Variants in RNF208 observed in about 807,000 individuals in gnomAD.
RNF208 encodes ring finger protein 208.
RNF208 carries 7 observed loss-of-function variants against 15.2 expected under a neutral mutation model. That is an observed-to-expected ratio of 0.46 (90% CI 0.26 to 0.86). The LOEUF (loss-of-function observed/expected upper bound fraction) is 0.86, where lower values mean the gene tolerates loss of function less well. Ranked by LOEUF, RNF208 falls within the 40% of genes least tolerant of loss-of-function variation. The pLI, the probability that RNF208 is intolerant of heterozygous loss-of-function variation, is 0.16. For synonymous variants in RNF208, 211 were observed against 163.2 expected, an observed-to-expected ratio of 1.29 and a Z score of -2.23; for missense variants, 342 against 364.1, an observed-to-expected ratio of 0.94 and a Z score of 0.49.
At position 137,220,712 on chromosome 9, in the gene RNF208, A is replaced by G. The variant is rs769175750; in HGVS notation, c.501T>C (p.Cys167=). ...CGTAGAGAATCTGCAGGCACTGCTC[A>G]CACACAGAGTGCAGGCAGGACAGCA... The part of the protein sequence containing the change: ...PRVLSCLHSV[C]EQCLQILYES... The change falls in exon 2 of 2, where the codon TGT becomes TGC. Residue 167 remains cysteine (C), a synonymous_variant. Coordinates refer to ENST00000391553, the MANE Select transcript of RNF208 (RefSeq NM_031297.7). The G allele has an allele frequency of 6.2e-7, 1 of 1,612,580 alleles. No homozygotes were observed. Among genetic ancestry groups the G allele is most frequent in the East Asian group, 2.2e-5 (1 of 44,880 alleles).
At position 137,220,991 on chromosome 9, in the gene RNF208, G is replaced by T; in HGVS notation, c.222C>A (p.Val74=). ...RAWPSDTEII[V]NQACGGDMPA... ...GCATGTCCCCCCCACAGGCCTGGTT[G>T]ACAATGATCTCTGTGTCTGAGGGCC... The change falls in exon 2 of 2, where the codon GTC becomes GTA. Residue 74 remains valine (V), a synonymous_variant. Transcript: ENST00000391553. 1 of 1,565,218 alleles carries T rather than the reference G, an allele frequency of 6.4e-7. No homozygotes were observed. Among genetic ancestry groups the T allele is most frequent in the Non-Finnish European group, 8.7e-7 (1 of 1,152,608 alleles).
At position 137,222,043 on chromosome 9, in the gene RNF208, G is replaced by A. The variant is rs1308173024; in HGVS notation, c.-581C>T. On this transcript the variant is annotated 5_prime_UTR_variant, in exon 1 of 2. Coordinates refer to ENST00000391553, the MANE Select transcript of RNF208 (RefSeq NM_031297.7). ...CCGCCGCCGCAGAGGTTGTCTCAAA[G>A]GCAGGCCCGGACGCGGCGCCCGCGC... 2.7e-5 allele frequency among the ~76,000 whole-genome samples: 4 copies of A among 150,412 alleles called. No individual in the cohort carries two copies. The highest frequency in any genetic ancestry group is 5.9e-5 in the Non-Finnish European group (4 of 67,450).
Position 137,222,172 on chromosome 9 carries a change from T to C in RNF208, c.-710A>G, listed in dbSNP as rs948088848. Reference sequence around the variant, plus strand: ...GCACCGAGGGGCGCGGGCGCGGGCGTGGGGCGCGGGGCGCGGGTTTCGGCA... The same window carrying C: ...GCACCGAGGGGCGCGGGCGCGGGCGCGGGGCGCGGGGCGCGGGTTTCGGCA... On this transcript the variant is annotated 5_prime_UTR_variant, in exon 1 of 2. Coordinates refer to ENST00000391553, the MANE Select transcript of RNF208 (RefSeq NM_031297.7). 6.9e-6 allele frequency among the ~76,000 whole-genome samples: 1 copy of C among 144,736 alleles called. No homozygotes were observed. Among genetic ancestry groups the C allele is most frequent in the African/African-American group, 2.5e-5 (1 of 40,280 alleles). The allele number at this position is 144,736 out of a possible 152,430, so 95.0% of individuals were successfully genotyped here.
chr9:137,220,398 A>C lies in RNF208; in HGVS notation c.*29T>G. ...CCTGAAGAAGCAGCGAGCGAGGCTC[A>C]GCGGGCAGTGGCGGGCAGGCAGGCG... On this transcript the variant is annotated 3_prime_UTR_variant, in exon 2 of 2. Coordinates refer to ENST00000391553, the MANE Select transcript of RNF208 (RefSeq NM_031297.7). 1.3e-6 allele frequency: 2 copies of C among 1,534,580 alleles called. No individual in the cohort carries two copies. Among genetic ancestry groups the C allele is most frequent in the Non-Finnish European group, 1.8e-6 (2 of 1,139,638 alleles).
Position 137,220,713 on chromosome 9 carries a change from C to T in RNF208, c.500G>A (p.Cys167Tyr). 1 of 1,612,584 alleles carries T rather than the reference C, an allele frequency of 6.2e-7. No homozygotes were observed. The highest frequency in any genetic ancestry group is 8.5e-7 in the Non-Finnish European group (1 of 1,179,930). Reference protein sequence around the residue: ...PRVLSCLHSVCEQCLQILYES... With the variant: ...PRVLSCLHSVYEQCLQILYES... ...GTAGAGAATCTGCAGGCACTGCTCA[C>T]ACACAGAGTGCAGGCAGGACAGCAC... Residue 167 changes from cysteine to tyrosine, a missense_variant, in exon 2 of 2, where the codon TGT becomes TAT. Physicochemically the swap from Cys to Tyr is radical, Grantham distance 194. Transcript: ENST00000391553.
In RNF208 at chr9:137,221,061, G is replaced by A. The variant is rs768145419; in HGVS notation, c.152C>T (p.Pro51Leu). ...AGTTGGGGTGGGCCGGGGAGCAGGC[G>A]GGAAGCAGGGGGCAGCCGGTAGCTC... ...FPELPAAPCFPPAPRPTPTLA... is the reference protein window; with the variant it reads ...FPELPAAPCFLPAPRPTPTLA... The change falls in exon 2 of 2, where the codon CCG (proline) becomes CTG (leucine). Residue 51 changes from proline to leucine, a missense_variant. By Grantham distance (98) the Pro-to-Leu change is moderately conservative (BLOSUM62 -3). This residue lies in a region of RNF208 where 207 missense variants were observed against 193.7 expected (regional missense o/e 1.07). Transcript: ENST00000391553. 11 of 1,602,314 alleles carry A rather than the reference G, an allele frequency of 6.9e-6. No homozygotes were observed. The Admixed American group carries it at 8.6e-5, about 12-fold the overall frequency.
At position 137,220,805 on chromosome 9, in the gene RNF208, C is replaced by T. The variant is rs534009706; in HGVS notation, c.408G>A (p.Ala136=). The change falls in exon 2 of 2, where the codon GCG becomes GCA. Residue 136 remains alanine, a synonymous_variant. Transcript: ENST00000391553. ...TGGGGCACTCCAGGGGCTCGCCTGC[C>T]GCCGCCGAAGAAGCCGCCGAGGCCG... ...GPSASAASSA[A]AGEPLECPTC... is the part of the protein sequence containing the mutation. The T allele has an allele frequency of 2.7e-5, 43 of 1,607,698 alleles. No homozygotes were observed. The highest frequency in any genetic ancestry group is 1.7e-4 in the Middle Eastern group (1 of 6,048).
At position 137,221,093 on chromosome 9, in the gene RNF208, C is replaced by G. The variant is rs771637039; in HGVS notation, c.120G>C (p.Lys40Asn). The change falls in exon 2 of 2, where the codon AAG (lysine) becomes AAC (asparagine). Residue 40 changes from lysine (K) to asparagine (N), a missense_variant. Coordinates refer to ENST00000391553, the MANE Select transcript of RNF208 (RefSeq NM_031297.7). ...AGGGGGCAGCCGGTAGCTCAGGGAA[C>G]TTTTCAGGGTGGACAATCTTCATGG... is the stretch of plus-strand genomic sequence containing the variant. ...MEAMKIVHPEKFPELPAAPCF... is the reference protein window; with the variant it reads ...MEAMKIVHPENFPELPAAPCF... 6.2e-6 allele frequency: 10 copies of G among 1,605,818 alleles called. No homozygotes were observed. The South Asian group carries it at 8.9e-5, about 14-fold the overall frequency.
chr9:137,222,363 C>A (rs948111320), upstream of RNF208, among the ~76,000 whole-genome samples: 1 of 151,218 alleles, frequency 6.6e-6, no homozygotes, highest in Non-Finnish European at 1.5e-5. Flanking sequence ...CCCCTCGGTC[C>A]GCTCCCGGCG....
In RNF208 at chr9:137,221,138, A is replaced by G. The variant is rs754164349; in HGVS notation, c.75T>C (p.His25=). Residue 25 remains histidine (H), a synonymous_variant, in exon 2 of 2, where the codon CAT becomes CAC. Coordinates refer to ENST00000391553, the MANE Select transcript of RNF208 (RefSeq NM_031297.7). The stretch of plus-strand genomic sequence containing the variant: ...TCATGGCCTCCATCTTGAGGATGAC[A>G]TGGGGACCCTTCAGGCAGGACATGA... ...GLLMSCLKGP[H]VILKMEAMKI... 15 of 1,592,462 alleles carry G rather than the reference A, an allele frequency of 9.4e-6. No individual in the cohort carries two copies. In the African/African-American group the frequency reaches 1.9e-4, roughly 20 times the overall value.
chr9:137,222,470 C>T (rs1219319022), upstream of RNF208, among the ~76,000 whole-genome samples: 1 of 152,060 alleles, frequency 6.6e-6, no homozygotes, highest in Admixed American at 6.5e-5. Flanking sequence ...CCCCGCCCCC[C>T]CAGATTCAGG....
rs552183223 is a variant in RNF208 at position 137,220,918 on chromosome 9, G to C, written c.295C>G (p.Arg99Gly). 7.7e-6 allele frequency: 12 copies of C among 1,563,898 alleles called. No homozygotes were observed. The East Asian group carries it at 1.4e-4, about 18-fold the overall frequency. ...AAGCCCAGCTCCGAGCTTCCCTTAC[G>C]GGGCCGCCGTGGCAGTGGCGGGGTA... ...PHTPPLPRRP[R>G]KGSSELGFPR... Residue 99 changes from arginine (R) to glycine (G), a missense_variant, in exon 2 of 2, where the codon CGT (arginine) becomes GGT (glycine). By Grantham distance (125) the Arg-to-Gly change is moderately radical. This residue lies in a region of RNF208 where 207 missense variants were observed against 193.7 expected (regional missense o/e 1.07). Coordinates refer to ENST00000391553, the MANE Select transcript of RNF208 (RefSeq NM_031297.7).
chr9:137,220,328 T>G lies in RNF208; in HGVS notation c.*99A>C. The stretch of plus-strand genomic sequence containing the variant: ...CCACTCGGGGTGGGGCCGGAAGCCA[T>G]GGTGGGGAAGGAAGGGTCAGCGGGC... On this transcript the variant is annotated 3_prime_UTR_variant, in exon 2 of 2. Transcript: ENST00000391553. The G allele has an allele frequency of 2.2e-5, 28 of 1,280,712 alleles. No homozygotes were observed. The highest frequency in any genetic ancestry group is 4.5e-5 in the African/African-American group (3 of 67,174). 79.3% of individuals were successfully genotyped at this position (1,280,712 alleles called of 1,614,324 possible).
chr9:137,220,410 C>T lies in RNF208; in HGVS notation c.*17G>A, dbSNP rs370034326. On this transcript the variant is annotated 3_prime_UTR_variant, in exon 2 of 2. Transcript: ENST00000391553. ...GCGAGCGAGGCTCAGCGGGCAGTGG[C>T]GGGCAGGCAGGCGCTACTACATGAT... 11 of 1,539,354 alleles carry T rather than the reference C, an allele frequency of 7.1e-6. 1 individual carries two copies. Among genetic ancestry groups the T allele is most frequent in the Admixed American group, 1.9e-5 (1 of 53,334 alleles).
At position 137,221,241 on chromosome 9, in the gene RNF208, C is replaced by T. The variant is rs752316592; in HGVS notation, c.-29G>A. On this transcript the variant is annotated 5_prime_UTR_variant, in exon 2 of 2. Coordinates refer to ENST00000391553, the MANE Select transcript of RNF208 (RefSeq NM_031297.7). ...GCTGTCTCCAGTCAGACTGGATGTTCGGGTGGGTGGGGGCGTTGTGTGGGG... is the reference window on the plus strand; with the variant it reads ...GCTGTCTCCAGTCAGACTGGATGTTTGGGTGGGTGGGGGCGTTGTGTGGGG... 5 of 187,110 alleles carry T rather than the reference C, an allele frequency of 2.7e-5. No homozygotes were observed. Among genetic ancestry groups the T allele is most frequent in the African/African-American group, 5.9e-5 (1 of 17,020 alleles). The allele number at this position is 187,110 out of a possible 1,614,324, so 11.6% of individuals were successfully genotyped here. A position where few individuals can be genotyped will look rare whatever the true frequency, so the allele number is the denominator to read the frequency against.
At position 137,222,186 on chromosome 9, in the gene RNF208, C is replaced by A. The variant is rs1835881178; in HGVS notation, c.-724G>T. Among the ~76,000 whole-genome samples, 1 of 146,104 alleles carries A rather than the reference C, an allele frequency of 6.8e-6. No individual in the cohort carries two copies. The highest frequency in any genetic ancestry group is 2.4e-5 in the African/African-American group (1 of 40,890). ...GGGCGCGGGCGTGGGGCGCGGGGCGCGGGTTTCGGCACGGCGGCGACGGCG... is the reference window on the plus strand; with the variant it reads ...GGGCGCGGGCGTGGGGCGCGGGGCGAGGGTTTCGGCACGGCGGCGACGGCG... On this transcript the variant is annotated 5_prime_UTR_variant, in exon 1 of 2. Coordinates refer to ENST00000391553, the MANE Select transcript of RNF208 (RefSeq NM_031297.7).
At chr9:137,221,935 GT>G (rs982651478) in intron 1 of RNF208, among the ~76,000 whole-genome samples, 53 bp downstream of exon 1, 6 of 151,920 alleles carry the variant, frequency 3.9e-5, no homozygotes, top group African/African-American at 1.2e-4. Flanking sequence ...GCCGACCCCC[GT>G]CGCGTGGGGA....
chr9:137,222,489 C>G (rs1301026484), upstream of RNF208, among the ~76,000 whole-genome samples: 1 of 152,146 alleles, frequency 6.6e-6, no homozygotes, highest in Non-Finnish European at 1.5e-5. Context: ...GGAGGAGAAT[C>G]CGGCTGTTCT....
rs1244018404 is a variant in RNF208, at chr9:137,222,077, G to A, written c.-615C>T. 6.7e-6 allele frequency among the ~76,000 whole-genome samples: 1 copy of A among 148,280 alleles called. No homozygotes were observed. Among genetic ancestry groups the A allele is most frequent in the African/African-American group, 2.4e-5 (1 of 40,968 alleles). On this transcript the variant is annotated 5_prime_UTR_variant, in exon 1 of 2. Coordinates refer to ENST00000391553, the MANE Select transcript of RNF208 (RefSeq NM_031297.7). ...GGACGCGGCGCCCGCGCCTCGGCCC[G>A]GCAGCTCGGGGGGCTCCGGCGGCTC...
Sources: gnomAD v4.1 joint callset for allele counts (sites outside exome capture counted in the v4.1 genomes callset) on GRCh38, gnomAD v4.1.1 for gene constraint, gnomAD v4.1.1 regional missense constraint, MANE v1.5 for transcripts, NCBI Gene and HGNC (gene_info 2026-07-23, HGNC 2026-07-21) for gene names.